Variants in NECTIN1 observed in about 807,000 individuals in gnomAD.
NECTIN1 encodes the protein nectin cell adhesion molecule 1, also known as nectin-1.
Under a neutral mutation model 48.0 loss-of-function variants are expected in NECTIN1, and 23 were observed. The observed-to-expected ratio is 0.48, with a 90% confidence interval of 0.34 to 0.68. The LOEUF is 0.68. Ranked by LOEUF, NECTIN1 falls within the 30% of genes least tolerant of loss-of-function variation. NECTIN1 has a pLI of 0.01. For synonymous variants in NECTIN1, 270 were observed against 288.9 expected (o/e 0.93, Z 0.66); for missense variants, 591 against 709.9 (o/e 0.83, Z 1.90).
In NECTIN1 at chr11:119,671,899, C is replaced by A. The variant is rs142727190; in HGVS notation, c.1003+3260G>T. On this transcript the variant is annotated intron_variant, in intron 5 of 5. Coordinates refer to ENST00000264025, the MANE Select transcript of NECTIN1 (RefSeq NM_002855.5). The stretch of plus-strand genomic sequence containing the variant: ...CGCTGGCTCAGAGAATGGCACGTTG[C>A]CACGGCACAGCCACGGGCTCCCACA... Among the ~76,000 whole-genome samples the A allele has an allele frequency of 3.9e-3, 592 of 152,352 alleles. 5 individuals carry two copies. Among genetic ancestry groups the A allele is most frequent in the African/African-American group, 0.014 (576 of 41,576 alleles).
chr11:119,657,637 G>A (rs1488283253), downstream of NECTIN1, among the ~76,000 whole-genome samples: 1 of 143,484 alleles, frequency 7.0e-6, no homozygotes, highest in Non-Finnish European at 1.5e-5. Context: ...AAAAAAGCCT[G>A]TTACGGGGCT....
downstream of NECTIN1, among the ~76,000 whole-genome samples, chr11:119,657,944 C>CTG (rs1199659526): frequency 9.0e-6 from 1 of 111,562 alleles, no homozygotes; most frequent in African/African-American, 3.1e-5. Context: ...AAAAAAAAGT[C>CTG]TGTCTAGGCC....
downstream of NECTIN1, chr11:119,660,959 C>G (rs1864652470): frequency 1.1e-6 from 1 of 951,900 alleles, no homozygotes; most frequent in Non-Finnish European, 1.3e-6. Flanking sequence ...CCCCCACTGC[C>G]ATGGAGCAGG....
In NECTIN1 at chr11:119,646,618, G is replaced by C. The variant is rs182539430; in HGVS notation, c.1004-6606C>G. Among the ~76,000 whole-genome samples, 61 of 152,304 alleles carry C rather than the reference G, an allele frequency of 4.0e-4. 1 individual carries two copies. Among genetic ancestry groups the C allele is most frequent in the African/African-American group, 1.4e-3 (59 of 41,554 alleles). On this transcript the variant is annotated intron_variant, in intron 5 of 7. Transcript: ENST00000341398. Reference sequence around the variant, plus strand: ...GTTGACAGATGGTAACTGGAGCTCAGAGAAGGTTGGTGAAATGCTCAGGGT... The same window carrying C: ...GTTGACAGATGGTAACTGGAGCTCACAGAAGGTTGGTGAAATGCTCAGGGT...
chr11:119,693,638 C>T (rs2135564564), intron 1 of NECTIN1, among the ~76,000 whole-genome samples: 2 of 152,292 alleles, frequency 1.3e-5, no homozygotes, highest in Middle Eastern at 6.8e-3. Flanking sequence ...GCTCCTCACA[C>T]CCCTCCCTGA....
intron 1 of NECTIN1, 49 bp downstream of exon 1, chr11:119,728,426 C>A: frequency 6.6e-7 from 1 of 1,518,406 alleles, no homozygotes; most frequent in Non-Finnish European, 8.9e-7. Flanking sequence ...CTCCCAGCCC[C>A]GGGGAGGCAT....
Position 119,675,153 on chromosome 11 carries a change from T to C in NECTIN1, c.1003+6A>G. 2.5e-6 allele frequency: 4 copies of C among 1,614,094 alleles called. No individual in the cohort carries two copies. Among genetic ancestry groups the C allele is most frequent in the Non-Finnish European group, 3.4e-6 (4 of 1,179,992 alleles). On this transcript the variant is annotated splice_donor_region_variant and intron_variant, in intron 5 of 5. Coordinates refer to ENST00000264025, the MANE Select transcript of NECTIN1 (RefSeq NM_002855.5). ...CGGAGAGGCTGGGGAGGATGCAGCTTCCTACCTGTGATATTGACCTCCACC... is the reference window on the plus strand; with the variant it reads ...CGGAGAGGCTGGGGAGGATGCAGCTCCCTACCTGTGATATTGACCTCCACC...
rs1286224519 is a variant in NECTIN1, at chr11:119,678,509, G to A, written c.336C>T (p.Ser112=). 2 of 1,614,246 alleles carry A rather than the reference G, an allele frequency of 1.2e-6. No individual in the cohort carries two copies. Among genetic ancestry groups the A allele is most frequent in the South Asian group, 2.2e-5 (2 of 91,086 alleles). The stretch of plus-strand genomic sequence containing the variant: ...CACCCTCATCCTCCAGCTCCAGGCG[G>A]GAGAGGCGGATAGTGCCATCGGTGA... ...PSFTDGTIRL[S]RLELEDEGVY... is the part of the protein sequence containing the mutation. The change falls in exon 2 of 6, where the codon TCC becomes TCT. Residue 112 remains serine, a synonymous_variant. Coordinates refer to ENST00000264025, the MANE Select transcript of NECTIN1 (RefSeq NM_002855.5). This position sits in a 1 kb window ranked among gnomAD's most constrained non-coding sequence, Gnocchi z 4.4.
intron 1 of NECTIN1, among the ~76,000 whole-genome samples, chr11:119,680,235 T>C (rs568189185): frequency 2.0e-5 from 3 of 152,210 alleles, no homozygotes; most frequent in African/African-American, 7.2e-5. Context: ...CGTGGGGCGG[T>C]TGTCCTCAGC....
chr11:119,677,447 G>T lies in NECTIN1; in HGVS notation c.733+108C>A. Reference sequence around the variant, plus strand: ...GGGAGGAGATAGGGGAGACAGGAGGGGAGAAGAAAGCACCCCCAGAAAGAG... The same window carrying T: ...GGGAGGAGATAGGGGAGACAGGAGGTGAGAAGAAAGCACCCCCAGAAAGAG... On this transcript the variant is annotated intron_variant, in intron 3 of 5. Coordinates refer to ENST00000264025, the MANE Select transcript of NECTIN1 (RefSeq NM_002855.5). This position sits in a 1 kb window ranked among gnomAD's most constrained non-coding sequence, Gnocchi z 5.4. The T allele has an allele frequency of 7.7e-7, 1 of 1,294,764 alleles. No individual in the cohort carries two copies. The highest frequency in any genetic ancestry group is 1.1e-6 in the Non-Finnish European group (1 of 899,928). 80.2% of individuals were successfully genotyped at this position (1,294,764 alleles called of 1,614,324 possible). A position where few individuals can be genotyped will look rare whatever the true frequency, so the allele number is the denominator to read the frequency against.
intron 5 of NECTIN1, chr11:119,641,319 C>G (rs1057018497): frequency 1.3e-5 from 2 of 152,340 alleles, no homozygotes; most frequent in African/African-American, 4.8e-5. Context: ...CATGAGCCAC[C>G]GTGCCTAGCT....
At chr11:119,660,451 C>T (rs763373066), downstream of NECTIN1, among the ~76,000 whole-genome samples, 10 of 151,802 alleles carry the variant, frequency 6.6e-5, no homozygotes, top group Admixed American at 3.3e-4. Flanking sequence ...GGGGATGGGG[C>T]GGGGCAGTAG....
At chr11:119,681,011 G>A (rs1481349466) in intron 1 of NECTIN1, among the ~76,000 whole-genome samples, 2 of 152,228 alleles carry the variant, frequency 1.3e-5, no homozygotes, top group African/African-American at 4.8e-5. Context: ...GCAGCAGACT[G>A]GCCTCCCGAG....
At chr11:119,711,927 G>A (rs1865655560) in intron 1 of NECTIN1, among the ~76,000 whole-genome samples, 1 of 152,200 alleles carries the variant, frequency 6.6e-6, no homozygotes, top group Non-Finnish European at 1.5e-5. Context: ...GGCTGGATGG[G>A]TGTGGTGGTG....
rs1865100504 is a variant in NECTIN1 at position 119,683,607 on chromosome 11, T to TGC, written c.80-4843_80-4842insGC. ...GTGTGTGTGTGTGTGTGTGTGTGTG[T>TGC]GTGGGCACTTGCAGGAGGCTGCTAT... On this transcript the variant is annotated intron_variant, in intron 1 of 5. Transcript: ENST00000264025. This position sits in a 1 kb window ranked among gnomAD's most constrained non-coding sequence, Gnocchi z 4.0. Among the ~76,000 whole-genome samples the TGC allele has an allele frequency of 7.1e-6, 1 of 141,586 alleles. No homozygotes were observed. The highest frequency in any genetic ancestry group is 2.2e-4 in the South Asian group (1 of 4,460). The allele number at this position is 141,586 out of a possible 152,430, so 92.9% of individuals were successfully genotyped here.
intron 1 of NECTIN1, among the ~76,000 whole-genome samples, chr11:119,707,306 C>G (rs535464798): frequency 1.3e-5 from 2 of 152,340 alleles, no homozygotes; most frequent in East Asian, 3.9e-4. Context: ...GGCACTGGCT[C>G]TCACTTGCCT....
chr11:119,649,962 G>C (rs1191189472), intron 5 of NECTIN1, among the ~76,000 whole-genome samples: 3 of 152,154 alleles, frequency 2.0e-5, no homozygotes, highest in Admixed American at 1.3e-4. Context: ...TATTTCACCT[G>C]GGTGCAGGAG....
chr11:119,645,346 G>A (rs1269928315), intron 5 of NECTIN1, among the ~76,000 whole-genome samples: 1 of 152,140 alleles, frequency 6.6e-6, no homozygotes, highest in African/African-American at 2.4e-5. Flanking sequence ...AAGGTCTGGG[G>A]CAGACTCCAG....
In NECTIN1 at chr11:119,661,168, G is replaced by T. The variant is rs536725117; in HGVS notation, c.*3579C>A. On this transcript the variant is annotated 3_prime_UTR_variant, in exon 6 of 6. Coordinates refer to ENST00000264025, the MANE Select transcript of NECTIN1 (RefSeq NM_002855.5). ...AAGGCGGAAAGGGCGACAAGACGCC[G>T]AAGCAAGGTAGCGCATCACGCTGGG... 3.0e-6 allele frequency: 3 copies of T among 985,830 alleles called. No individual in the cohort carries two copies. The South Asian group carries it at 1.4e-4, about 46-fold the overall frequency. 61.1% of individuals were successfully genotyped at this position (985,830 alleles called of 1,614,324 possible).
Sources: allele counts gnomAD v4.1 joint callset (sites outside exome capture counted in the v4.1 genomes callset), GRCh38; gene constraint gnomAD v4.1.1; non-coding constraint Gnocchi (gnomAD v3.1); transcripts MANE v1.5; gene names NCBI Gene and HGNC (gene_info 2026-07-23, HGNC 2026-07-21).